DTNB: variants seen among roughly 807,000 people sequenced by gnomAD.
DTNB encodes the protein dystrobrevin beta.
Under a neutral mutation model 90.7 loss-of-function variants are expected in DTNB, and 63 were observed. The observed-to-expected ratio is 0.69, with a 90% CI of 0.57 to 0.86. The LOEUF is 0.86. Ranked by LOEUF, DTNB falls within the 40% of genes least tolerant of loss-of-function variation. DTNB has a pLI of 0.00. For synonymous variants in DTNB, 277 were observed against 286.7 expected (o/e 0.97, Z 0.34); for missense variants, 744 against 807.1 (o/e 0.92, Z 0.95).
chr2:25,388,994 G>A (rs949691356), intron 16 of DTNB, among the ~76,000 whole-genome samples: 2 of 152,160 alleles, frequency 1.3e-5, no homozygotes, highest in Non-Finnish European at 2.9e-5. Context: ...CTACAGGTGT[G>A]CGCCACCACG....
At chr2:25,394,871 C>G (rs945579927) in intron 16 of DTNB, among the ~76,000 whole-genome samples, 3 of 152,106 alleles carry the variant, frequency 2.0e-5, no homozygotes, top group African/African-American at 7.2e-5. Context: ...TCCAGCAATC[C>G]CATTACTAGG....
chr2:25,635,063 T>G (rs1020554314), intron 3 of DTNB, among the ~76,000 whole-genome samples: 19 of 121,308 alleles, frequency 1.6e-4, no homozygotes, highest in Non-Finnish European at 2.7e-4. Context: ...TAAAAAAAAA[T>G]AAAAAAATAA....
chr2:25,495,361 C>T (rs1342049329), intron 9 of DTNB, among the ~76,000 whole-genome samples: 1 of 152,216 alleles, frequency 6.6e-6, no homozygotes, highest in Admixed American at 6.5e-5. Context: ...CCATTGTGCC[C>T]AGCCTTCTCT....
intron 7 of DTNB, among the ~76,000 whole-genome samples, chr2:25,580,334 A>G (rs2061380077): frequency 6.6e-6 from 1 of 151,954 alleles, no homozygotes; most frequent in Non-Finnish European, 1.5e-5. Context: ...CAGCCTGGCC[A>G]GCATAGTGAA....
Position 25,632,764 on chromosome 2 carries a change from T to C in DTNB, c.149-4380A>G, listed in dbSNP as rs79388147. Among the ~76,000 whole-genome samples the C allele has an allele frequency of 3.0e-4, 46 of 152,318 alleles. 1 individual carries two copies. The East Asian group carries it at 8.9e-3, about 29-fold the overall frequency. ...CTGTACAAAATAAATTCCTTTCTTT[T>C]TAAATCACCCAGTTTCAGGTACTCT... is the stretch of plus-strand genomic sequence containing the variant. On this transcript the variant is annotated intron_variant, in intron 3 of 20. Coordinates refer to ENST00000406818, the MANE Select transcript of DTNB (RefSeq NM_021907.5).
At chr2:25,474,473 G>T (rs755591434) in intron 10 of DTNB, among the ~76,000 whole-genome samples, 1 of 152,080 alleles carries the variant, frequency 6.6e-6, no homozygotes, top group Admixed American at 6.5e-5. Flanking sequence ...TCCACATATG[G>T]ATAGTTTCTG....
intron 9 of DTNB, among the ~76,000 whole-genome samples, chr2:25,506,358 G>T (rs554500882): frequency 7.4e-5 from 11 of 149,250 alleles, no homozygotes; most frequent in East Asian, 2.0e-4. Flanking sequence ...ATACCGAGTT[G>T]TTTTTTTTTT....
intron 16 of DTNB, among the ~76,000 whole-genome samples, chr2:25,408,083 A>G (rs2045669133): frequency 6.6e-6 from 1 of 152,038 alleles, no homozygotes; most frequent in African/African-American, 2.4e-5. Context: ...AGGTGGGTGG[A>G]TCACCTGAGG....
At chr2:25,525,284 C>A (rs141970506) in intron 9 of DTNB, among the ~76,000 whole-genome samples, 2 of 152,090 alleles carry the variant, frequency 1.3e-5, no homozygotes, top group Admixed American at 1.3e-4. Context: ...AAAAGGAAAG[C>A]GTGATTAGAT....
intron 15 of DTNB, among the ~76,000 whole-genome samples, chr2:25,423,088 A>G (rs573801159): frequency 3.3e-5 from 5 of 152,056 alleles, no homozygotes; most frequent in Non-Finnish European, 7.4e-5. Context: ...TACTCAGGAG[A>G]CTGAGGCAGG....
intron 12 of DTNB, among the ~76,000 whole-genome samples, chr2:25,447,131 G>A (rs1414311887): frequency 6.6e-6 from 1 of 151,784 alleles, no homozygotes; most frequent in African/African-American, 2.4e-5. Flanking sequence ...CTTCTTTTAG[G>A]TCTTTAGAAA....
chr2:25,427,829 A>G (rs1378388062), intron 14 of DTNB, 198 bp from the exon 15 acceptor site: 2 of 450,494 alleles, frequency 4.4e-6, no homozygotes, highest in Non-Finnish European at 7.8e-6. Context: ...ATAATAGGTA[A>G]AAGTGCTTTG....
chr2:25,521,571 A>G (rs1339888228), intron 9 of DTNB, among the ~76,000 whole-genome samples: 2 of 151,502 alleles, frequency 1.3e-5, no homozygotes, highest in Non-Finnish European at 2.9e-5. Context: ...TTTAGGAGAG[A>G]CGGGGTTTCG....
chr2:25,490,686 A>G (rs2067203752), intron 9 of DTNB, among the ~76,000 whole-genome samples: 1 of 152,212 alleles, frequency 6.6e-6, no homozygotes, highest in Admixed American at 6.5e-5. Context: ...TTAAATAATA[A>G]TGCTTATGAA....
chr2:25,584,945 A>C (rs572633760), intron 6 of DTNB, among the ~76,000 whole-genome samples: 5 of 152,314 alleles, frequency 3.3e-5, no homozygotes, highest in Middle Eastern at 3.4e-3. Flanking sequence ...TTTACAGTAT[A>C]ATGAAGTCCT....
intron 9 of DTNB, among the ~76,000 whole-genome samples, chr2:25,506,220 T>C (rs1271611415): frequency 6.6e-6 from 1 of 152,152 alleles, no homozygotes; most frequent in Admixed American, 6.6e-5. Context: ...AGTTCCAATG[T>C]TCAACAGCAG....
chr2:25,393,565 A>C (rs1337796938), intron 16 of DTNB, among the ~76,000 whole-genome samples: 2 of 152,248 alleles, frequency 1.3e-5, no homozygotes, highest in African/African-American at 4.8e-5. Flanking sequence ...TACACAAATC[A>C]GTAGCTCTGC....
chr2:25,521,726 G>GT (rs1575350926), intron 9 of DTNB, among the ~76,000 whole-genome samples: 1 of 152,178 alleles, frequency 6.6e-6, no homozygotes, highest in African/African-American at 2.4e-5. Context: ...TGATTTTCAT[G>GT]TAAGTTTCAC....
chr2:25,618,569 A>C (rs2071483844), intron 4 of DTNB, among the ~76,000 whole-genome samples: 1 of 152,220 alleles, frequency 6.6e-6, no homozygotes, highest in Non-Finnish European at 1.5e-5. Flanking sequence ...ACTCACTTCA[A>C]ATCTGGCCTA....
Sources: allele counts gnomAD v4.1 joint callset (sites outside exome capture counted in the v4.1 genomes callset), GRCh38; gene constraint gnomAD v4.1.1; transcripts MANE v1.5; gene names NCBI Gene and HGNC (gene_info 2026-07-23, HGNC 2026-07-21).